TANC1: variants seen among roughly 807,000 people sequenced by gnomAD.
TANC1 encodes the protein tetratricopeptide repeat, ankyrin repeat and coiled-coil containing 1.
In TANC1, 77 loss-of-function variants were observed where a neutral mutation model predicts 149.7. The ratio of observed to expected loss-of-function variants is 0.51; its 90% confidence interval spans 0.43 to 0.62. The LOEUF is 0.62. Among genes scored for constraint, TANC1 ranks in the 20% least tolerant of loss-of-function variants. TANC1 has a pLI of 0.00. For missense variants in TANC1, 1,985 were observed against 2,321.8 expected (o/e 0.85, Z 2.98); for synonymous variants, 854 against 925.0 (o/e 0.92, Z 1.39).
intron 7 of TANC1, among the ~76,000 whole-genome samples, chr2:159,160,293 CATT>C (rs901121171): frequency 2.0e-5 from 3 of 152,054 alleles, no homozygotes; most frequent in African/African-American, 7.2e-5. Context: ...CAACTATAAA[CATT>C]AGCCAGTCTC....
chr2:159,211,657 G>A (rs1432559147), intron 19 of TANC1, among the ~76,000 whole-genome samples: 2 of 152,210 alleles, frequency 1.3e-5, no homozygotes, highest in Non-Finnish European at 2.9e-5. Context: ...CCCTGTGGCT[G>A]CTAAAACTTG....
chr2:159,217,418 A>C, intron 19 of TANC1, 79 bp from the exon 20 acceptor site: 1 of 1,574,854 alleles, frequency 6.3e-7, no homozygotes, highest in Non-Finnish European at 8.7e-7. Flanking sequence ...CCACTGGGGG[A>C]GAGAACTGTT....
At chr2:159,221,149 G>A (rs868376621) in intron 22 of TANC1, among the ~76,000 whole-genome samples, 1 of 152,164 alleles carries the variant, frequency 6.6e-6, no homozygotes, top group Admixed American at 6.5e-5. Context: ...TCAGGAGTTC[G>A]AGATTAAGCG....
At chr2:159,007,989 T>C (rs1024762136) in intron 2 of TANC1, among the ~76,000 whole-genome samples, 1 of 152,256 alleles carries the variant, frequency 6.6e-6, no homozygotes, top group African/African-American at 2.4e-5. Flanking sequence ...TTTTCTAAGA[T>C]TGTCAATCCT....
chr2:159,165,496 A>T (rs945425428), intron 8 of TANC1, among the ~76,000 whole-genome samples: 1 of 152,208 alleles, frequency 6.6e-6, no homozygotes, highest in Non-Finnish European at 1.5e-5. Flanking sequence ...ACAAGCTAGG[A>T]GTCTGGTAGA....
intron 21 of TANC1, 127 bp downstream of exon 21, chr2:159,219,488 G>C (rs2059553552): frequency 7.1e-7 from 1 of 1,404,642 alleles, no homozygotes; most frequent in African/African-American, 1.4e-5. Flanking sequence ...ATAAACAGTA[G>C]AGAGAATAGG....
chr2:159,000,187 G>A (rs2036500424), intron 1 of TANC1, among the ~76,000 whole-genome samples: 1 of 152,100 alleles, frequency 6.6e-6, no homozygotes, highest in Admixed American at 6.6e-5. Flanking sequence ...GGTGTGTGTG[G>A]GTAAGTGGAT....
intron 4 of TANC1, among the ~76,000 whole-genome samples, chr2:159,119,826 A>G (rs2048664798): frequency 6.6e-6 from 1 of 152,198 alleles, no homozygotes; most frequent in South Asian, 2.1e-4. Context: ...CTCTAAACAG[A>G]TAATGGCTGA....
intron 1 of TANC1, among the ~76,000 whole-genome samples, chr2:158,993,872 G>A (rs1411080040): frequency 1.3e-5 from 2 of 152,182 alleles, no homozygotes; most frequent in Non-Finnish European, 2.9e-5. Context: ...ATAACAAATA[G>A]CATTTGAATG....
At chr2:159,049,427 A>G (rs1467782477) in intron 2 of TANC1, among the ~76,000 whole-genome samples, 1 of 152,194 alleles carries the variant, frequency 6.6e-6, no homozygotes, top group Non-Finnish European at 1.5e-5. Context: ...AGGAGAGTGT[A>G]TAATAACAGT....
chr2:159,184,908 G>A (rs766121749), intron 14 of TANC1, among the ~76,000 whole-genome samples: 2 of 152,056 alleles, frequency 1.3e-5, no homozygotes, highest in Admixed American at 6.6e-5. Context: ...TCTCTAACAC[G>A]GTTTATAACC....
chr2:159,194,570 GC>G, intron 17 of TANC1, 77 bp downstream of exon 17: 1 of 1,278,512 alleles, frequency 7.8e-7, no homozygotes, highest in Non-Finnish European at 1.1e-6. Flanking sequence ...TATTTGCTGG[GC>G]CAGACTCTCT....
At chr2:158,985,684 C>T (rs971557359) in intron 1 of TANC1, among the ~76,000 whole-genome samples, 1 of 152,076 alleles carries the variant, frequency 6.6e-6, no homozygotes, top group Non-Finnish European at 1.5e-5. Flanking sequence ...CGCTTTGTTG[C>T]CCAGGCTGGA....
intron 7 of TANC1, among the ~76,000 whole-genome samples, chr2:159,161,448 G>C (rs568369310): frequency 2.6e-5 from 4 of 152,302 alleles, no homozygotes; most frequent in South Asian, 2.1e-4. Flanking sequence ...TAAATGTGAA[G>C]GTTTGTAACA....
intron 16 of TANC1, among the ~76,000 whole-genome samples, chr2:159,190,676 C>G (rs1419140838): frequency 6.6e-6 from 1 of 152,128 alleles, no homozygotes; most frequent in Non-Finnish European, 1.5e-5. Flanking sequence ...CTCAGCCTCC[C>G]GAGTAGCCGG....
intron 2 of TANC1, among the ~76,000 whole-genome samples, chr2:159,030,065 C>G (rs755098363): frequency 1.3e-5 from 2 of 152,056 alleles, no homozygotes; most frequent in Non-Finnish European, 1.5e-5. Flanking sequence ...CACAAAAACC[C>G]TTTTATTCAC....
chr2:159,059,087 A>C (rs2042048366), intron 2 of TANC1, among the ~76,000 whole-genome samples: 1 of 96,668 alleles, frequency 1.0e-5, no homozygotes, highest in Admixed American at 1.1e-4. Flanking sequence ...ACTATAAAGA[A>C]TAGAATAGTA....
intron 7 of TANC1, among the ~76,000 whole-genome samples, chr2:159,157,920 A>ATTACT (rs1559363502): frequency 6.6e-6 from 1 of 152,210 alleles, no homozygotes; most frequent in Non-Finnish European, 1.5e-5. Context: ...TTTCTCTGCA[A>ATTACT]CCCAGGGAAG....
chr2:159,122,766 C>CTT lies in TANC1; in HGVS notation c.260-13416_260-13415dup, dbSNP rs35478930. On this transcript the variant is annotated intron_variant, in intron 4 of 26. Coordinates refer to ENST00000263635, the MANE Select transcript of TANC1 (RefSeq NM_033394.3). Reference sequence around the variant, plus strand: ...GTATCAATTCTTTTTCTTTTTTCTTCTTTTTTTTTTTTTGCAGAGTAATAC... The same window carrying CTT: ...GTATCAATTCTTTTTCTTTTTTCTTCTTTTTTTTTTTTTTTGCAGAGTAATAC... Among the ~76,000 whole-genome samples the CTT allele has an allele frequency of 1.3e-3, 186 of 144,344 alleles. 1 individual carries two copies. Among genetic ancestry groups the CTT allele is most frequent in the Middle Eastern group, 7.1e-3 (2 of 282 alleles). The allele number at this position is 144,344 out of a possible 152,430, so 94.7% of individuals were successfully genotyped here. A position where few individuals can be genotyped will look rare whatever the true frequency, so the allele number is the denominator to read the frequency against.
Sources: allele counts gnomAD v4.1 joint callset (sites outside exome capture counted in the v4.1 genomes callset), GRCh38; gene constraint gnomAD v4.1.1; transcripts MANE v1.5; gene names NCBI Gene and HGNC (gene_info 2026-07-23, HGNC 2026-07-21).